The following BMP7 variants were observed in gnomAD, a reference collection of about 807,000 sequenced individuals.
The protein encoded by BMP7 is bone morphogenetic protein 7.
A neutral mutation model predicts 41.2 loss-of-function variants in BMP7; 12 were observed. The ratio of observed to expected loss-of-function variants is 0.29; its 90% confidence interval spans 0.19 to 0.47. BMP7 has a LOEUF of 0.47. BMP7 is among the 20% of genes least tolerant of loss of function. The pLI is 0.99. For missense variants in BMP7, 467 were observed against 606.0 expected (o/e 0.77, Z 2.41); for synonymous variants, 248 against 250.0 (o/e 0.99, Z 0.07).
intron 1 of BMP7, among the ~76,000 whole-genome samples, chr20:57,242,750 C>A (rs1385893690): frequency 6.6e-6 from 1 of 152,136 alleles, no homozygotes; most frequent in Non-Finnish European, 1.5e-5. Flanking sequence ...TGCCTGTAAT[C>A]CCAGCACTTT....
At position 57,228,691 on chromosome 20, in the gene BMP7, T is replaced by TC. The variant is rs2066017644; in HGVS notation, c.419-271dup. ...AAAAGTAGGGCACTAACCACAGCCATCCAAGAGGTCCTGGCCAGACTCAGG... is the reference window on the plus strand; with the variant it reads ...AAAAGTAGGGCACTAACCACAGCCATCCCAAGAGGTCCTGGCCAGACTCAGG... On this transcript the variant is annotated intron_variant, in intron 1 of 6. Coordinates refer to ENST00000395863, the MANE Select transcript of BMP7 (RefSeq NM_001719.3). The surrounding 1 kb of genome is among the most constrained non-coding windows in gnomAD (Gnocchi z 4.5). 6.6e-6 allele frequency among the ~76,000 whole-genome samples: 1 copy of TC among 152,164 alleles called. No homozygotes were observed. The highest frequency in any genetic ancestry group is 2.4e-5 in the African/African-American group (1 of 41,418).
At chr20:57,258,107 G>A (rs1343031433) in intron 1 of BMP7, among the ~76,000 whole-genome samples, 1 of 152,170 alleles carries the variant, frequency 6.6e-6, no homozygotes, top group Non-Finnish European at 1.5e-5. Context: ...ATTGAAACTT[G>A]AAAGCTACTC....
At chr20:57,175,055 A>AAC in intron 4 of BMP7, 48 bp from the exon 5 acceptor site, 1 of 1,560,628 alleles carries the variant, frequency 6.4e-7, no homozygotes, top group Non-Finnish European at 8.7e-7. Context: ...AGGAGAAAGA[A>AAC]ACACACACAC....
chr20:57,195,484 C>T (rs543354952), intron 3 of BMP7, among the ~76,000 whole-genome samples: 97 of 152,318 alleles, frequency 6.4e-4, no homozygotes, highest in Non-Finnish European at 1.0e-3. Flanking sequence ...CTGGAAGGAC[C>T]GATCCCCGCC....
At chr20:57,206,920 G>C (rs1984745369) in intron 2 of BMP7, among the ~76,000 whole-genome samples, 1 of 152,224 alleles carries the variant, frequency 6.6e-6, no homozygotes, top group African/African-American at 2.4e-5. Flanking sequence ...TCCATTCCAA[G>C]AATGTTTACC....
chr20:57,207,612 C>T (rs182021181), intron 2 of BMP7, among the ~76,000 whole-genome samples: 79 of 151,518 alleles, frequency 5.2e-4, no homozygotes, highest in Middle Eastern at 3.4e-3. Flanking sequence ...CCTGCACAGC[C>T]GCTTCAAAGG....
chr20:57,186,616 A>T (rs1033150428), intron 3 of BMP7, among the ~76,000 whole-genome samples: 1 of 152,092 alleles, frequency 6.6e-6, no homozygotes, highest in Admixed American at 6.6e-5. Flanking sequence ...GATGACGGGG[A>T]GTTGGGAGGC....
rs150691995 is a variant in BMP7, at chr20:57,208,453, A to G, written c.612-5830T>C. ...CAGATGATAACTAGTGTTACTGGCA[A>G]GGATGTAGAGAAAGTGGAACTCTCA... On this transcript the variant is annotated intron_variant, in intron 2 of 6. Transcript: ENST00000395863. Among the ~76,000 whole-genome samples, 438 of 152,360 alleles carry G rather than the reference A, an allele frequency of 2.9e-3. 1 individual carries two copies. The highest frequency in any genetic ancestry group is 0.014 in the Middle Eastern group (4 of 294).
rs372353007 is a variant in BMP7, at chr20:57,236,977, T to C, written c.419-8556A>G. ...AAACTTTATGGTCTTCAGAAAAAAT[T>C]TGGTTAACCTTCCAGACTATGCGGC... is the stretch of plus-strand genomic sequence containing the variant. On this transcript the variant is annotated intron_variant, in intron 1 of 6. Transcript: ENST00000395863. 8.5e-5 allele frequency among the ~76,000 whole-genome samples: 13 copies of C among 152,108 alleles called. No individual in the cohort carries two copies. The East Asian group carries it at 9.6e-4, about 11-fold the overall frequency.
chr20:57,238,738 C>T (rs888791654), intron 1 of BMP7, among the ~76,000 whole-genome samples: 2 of 152,036 alleles, frequency 1.3e-5, no homozygotes, highest in African/African-American at 4.8e-5. Context: ...TGCAGCTCCA[C>T]ATGGCTGGGG....
At chr20:57,250,754 C>A (rs114683792) in intron 1 of BMP7, among the ~76,000 whole-genome samples, 1 of 152,134 alleles carries the variant, frequency 6.6e-6, no homozygotes, top group African/African-American at 2.4e-5. Flanking sequence ...TGCCCCCAGC[C>A]GGCAAGGGTG....
In BMP7 at chr20:57,221,210, C is replaced by T. The variant is rs536058951; in HGVS notation, c.611+7019G>A. ...AGCCCCACACGGTTCAGCAAGTGTC[C>T]ACATGCTGTCCAAGTCCGTGCAACT... is the stretch of plus-strand genomic sequence containing the variant. On this transcript the variant is annotated intron_variant, in intron 2 of 6. Coordinates refer to ENST00000395863, the MANE Select transcript of BMP7 (RefSeq NM_001719.3). 4.6e-5 allele frequency among the ~76,000 whole-genome samples: 7 copies of T among 152,256 alleles called. No homozygotes were observed. In the East Asian group the frequency reaches 1.4e-3, roughly 29 times the overall value.
At position 57,168,971 on chromosome 20, in the gene BMP7, T is replaced by G. The variant is rs1482095979; in HGVS notation, c.*1988A>C. ...GGGGGGGGGGTGTTCAAAAGAGCTTTGGATGGAAATAAATAATCTCTTTGC... is the reference window on the plus strand; with the variant it reads ...GGGGGGGGGGTGTTCAAAAGAGCTTGGGATGGAAATAAATAATCTCTTTGC... On this transcript the variant is annotated 3_prime_UTR_variant, in exon 7 of 7. Transcript: ENST00000395863. 4 of 152,134 alleles carry G rather than the reference T, an allele frequency of 2.6e-5. No individual in the cohort carries two copies. The highest frequency in any genetic ancestry group is 9.6e-5 in the African/African-American group (4 of 41,498). 9.4% of individuals were successfully genotyped at this position (152,134 alleles called of 1,614,324 possible). A position where few individuals can be genotyped will look rare whatever the true frequency, so the allele number is the denominator to read the frequency against.
intron 3 of BMP7, among the ~76,000 whole-genome samples, chr20:57,196,843 A>C (rs1322794891): frequency 1.3e-5 from 2 of 152,166 alleles, no homozygotes; most frequent in Non-Finnish European, 2.9e-5. Context: ...TTAATTTTTA[A>C]TTCACCCAGA....
chr20:57,200,796 A>T (rs1173353767), intron 3 of BMP7, among the ~76,000 whole-genome samples: 1 of 152,212 alleles, frequency 6.6e-6, no homozygotes, highest in Non-Finnish European at 1.5e-5. Flanking sequence ...ATCTCAAAAA[A>T]AAATAAAACT....
At chr20:57,191,590 C>T (rs564354695) in intron 3 of BMP7, among the ~76,000 whole-genome samples, 18 of 151,726 alleles carry the variant, frequency 1.2e-4, no homozygotes, top group South Asian at 1.0e-3. Context: ...ATTAGCTGGA[C>T]GTCATGGTGC....
rs904347527 is a variant in BMP7, at chr20:57,228,086, A to G, written c.611+143T>C. On this transcript the variant is annotated intron_variant, in intron 2 of 6. Transcript: ENST00000395863. This position sits in a 1 kb window ranked among gnomAD's most constrained non-coding sequence, Gnocchi z 4.5. ...GTTTTAAGGAAGTGACATACACCATACACCTTCTTTAGAAGGGATAATCTG... is the reference window on the plus strand; with the variant it reads ...GTTTTAAGGAAGTGACATACACCATGCACCTTCTTTAGAAGGGATAATCTG... 3.9e-5 allele frequency: 37 copies of G among 957,298 alleles called. No individual in the cohort carries two copies. Among genetic ancestry groups the G allele is most frequent in the African/African-American group, 3.2e-4 (20 of 62,204 alleles). 59.3% of individuals were successfully genotyped at this position (957,298 alleles called of 1,614,324 possible).
Position 57,213,463 on chromosome 20 carries a change from G to A in BMP7, c.612-10840C>T, listed in dbSNP as rs930324725. ...ACATGACACATTGCTCCTTAGAGAT[G>A]TCATAATGCACCTTAGCTCTTTAAA... is the stretch of plus-strand genomic sequence containing the variant. On this transcript the variant is annotated intron_variant, in intron 2 of 6. Transcript: ENST00000395863. This position sits in a 1 kb window ranked among gnomAD's most constrained non-coding sequence, Gnocchi z 4.4. Among the ~76,000 whole-genome samples the A allele has an allele frequency of 6.6e-6, 1 of 152,226 alleles. No homozygotes were observed. The highest frequency in any genetic ancestry group is 2.4e-5 in the African/African-American group (1 of 41,452).
chr20:57,244,808 A>G (rs945855822), intron 1 of BMP7, among the ~76,000 whole-genome samples: 1 of 152,176 alleles, frequency 6.6e-6, no homozygotes, highest in African/African-American at 2.4e-5. Flanking sequence ...TCCCCAGGAC[A>G]GGAGGAGCCT....
Sources: allele counts gnomAD v4.1 joint callset (sites outside exome capture counted in the v4.1 genomes callset), GRCh38; gene constraint gnomAD v4.1.1; non-coding constraint Gnocchi (gnomAD v3.1); transcripts MANE v1.5; gene names NCBI Gene and HGNC (gene_info 2026-07-23, HGNC 2026-07-21).